Variants in SLIT1 observed in about 807,000 individuals in gnomAD.
SLIT1 encodes slit guidance ligand 1.
A neutral mutation model predicts 186.1 loss-of-function variants in SLIT1; 66 were observed. That is an observed-to-expected ratio of 0.35 (90% CI 0.29 to 0.44). The LOEUF is 0.44. SLIT1 is among the 20% of genes least tolerant of loss of function. The probability of loss-of-function intolerance (pLI) is 1.00; values close to 1 mark genes in which losing one functional copy is unlikely to be tolerated. For missense variants in SLIT1, 1,638 were observed against 2,037.4 expected, an observed-to-expected ratio of 0.80 and a Z score of 3.77; for synonymous variants, 761 against 833.8, an observed-to-expected ratio of 0.91 and a Z score of 1.50.
chr10:97,113,876 T>C (rs1849486443), intron 4 of SLIT1, among the ~76,000 whole-genome samples: 1 of 152,186 alleles, frequency 6.6e-6, no homozygotes, highest in Non-Finnish European at 1.5e-5. Flanking sequence ...GTGAATTTTA[T>C]GGATCTTCCA....
intron 4 of SLIT1, among the ~76,000 whole-genome samples, chr10:97,127,900 T>C (rs1177735342): frequency 6.6e-6 from 1 of 152,310 alleles, no homozygotes; most frequent in Admixed American, 6.5e-5. Flanking sequence ...CCAGTTCATA[T>C]ATGATTAAAG....
At chr10:97,134,981 G>GA (rs372868730) in intron 4 of SLIT1, among the ~76,000 whole-genome samples, 18 of 152,306 alleles carry the variant, frequency 1.2e-4, no homozygotes, top group African/African-American at 4.3e-4. Context: ...CACCAGCTCT[G>GA]AAAAGCAGAG....
intron 2 of SLIT1, among the ~76,000 whole-genome samples, chr10:97,163,829 G>A (rs1480188406): frequency 1.3e-5 from 2 of 152,262 alleles, no homozygotes. Context: ...AGGCTGGCTT[G>A]AGCTGCTGGC....
intron 1 of SLIT1, among the ~76,000 whole-genome samples, chr10:97,178,547 T>C: frequency 6.6e-6 from 1 of 152,174 alleles, no homozygotes; most frequent in East Asian, 1.9e-4. Context: ...ATTGTGGACC[T>C]GGGAAAAAAT....
intron 22 of SLIT1, among the ~76,000 whole-genome samples, chr10:97,035,144 C>T (rs144290318): frequency 2.3e-4 from 35 of 152,132 alleles, no homozygotes; most frequent in African/African-American, 4.1e-4. Context: ...TCAAAACTCC[C>T]GCCACCCGCT....
At position 97,060,767 on chromosome 10, in the gene SLIT1, C is replaced by T. The variant is rs1196363163; in HGVS notation, c.814G>A (p.Val272Met). The part of the protein sequence containing the change: ...SCSGQGEAGR[V>M]PTCTLSSGSC... ...CCGGAGGACAGGGTGCAGGTGGGCA[C>T]GCGCCCCGCTTCTCCCTGGCCTGCA... The change falls in exon 9 of 37, where the codon GTG (valine) becomes ATG (methionine). Residue 272 changes from valine to methionine, a missense_variant. By Grantham distance (21) the Val-to-Met change is conservative. Transcript: ENST00000266058. 9 of 1,608,538 alleles carry T rather than the reference C, an allele frequency of 5.6e-6. No individual in the cohort carries two copies. The East Asian group carries it at 6.7e-5, about 12-fold the overall frequency.
chr10:97,159,087 T>A (rs2134721606), intron 3 of SLIT1, among the ~76,000 whole-genome samples: 1 of 151,908 alleles, frequency 6.6e-6, no homozygotes, highest in African/African-American at 2.4e-5. Context: ...GTCTGAGGGG[T>A]CTTAGAACAA....
intron 1 of SLIT1, among the ~76,000 whole-genome samples, chr10:97,176,421 C>T (rs1252996690): frequency 6.6e-6 from 1 of 152,110 alleles, no homozygotes; most frequent in Non-Finnish European, 1.5e-5. Flanking sequence ...CCCCAAGACC[C>T]CTGGCTCCCT....
chr10:97,135,013 A>G (rs7921177), intron 4 of SLIT1, among the ~76,000 whole-genome samples: 2,141 of 152,304 alleles, frequency 0.014, 41 homozygotes, highest in African/African-American at 0.049. Context: ...TTTTCTCACC[A>G]TGATACCCCC....
At chr10:97,056,626 G>A (rs1036349184) in intron 12 of SLIT1, among the ~76,000 whole-genome samples, 162 bp from the exon 13 acceptor site, 1 of 152,220 alleles carries the variant, frequency 6.6e-6, no homozygotes, top group Non-Finnish European at 1.5e-5. Context: ...CCCACGGAGA[G>A]GGGCCCGGAA....
intron 4 of SLIT1, chr10:97,154,768 G>C (rs1340174128): frequency 6.6e-6 from 1 of 152,274 alleles, no homozygotes; most frequent in Non-Finnish European, 1.5e-5. Context: ...CATACAGAGT[G>C]CTGTCCTCTG....
chr10:97,034,472 G>T lies in SLIT1; in HGVS notation c.2437C>A (p.Leu813Met). 2 of 1,612,542 alleles carry T rather than the reference G, an allele frequency of 1.2e-6. No homozygotes were observed. Among genetic ancestry groups the T allele is most frequent in the South Asian group, 1.1e-5 (1 of 91,042 alleles). ...CACCCCAGCCCTGCTGGGACTCACA[G>T]AGTGGTCAGCTGGCTCATGTTGGTG... ...SFTNMSQLTT[L>M]ILSYNALQCI... Residue 813 changes from leucine (L) to methionine (M), a missense_variant and splice_region_variant, in exon 23 of 37, where the codon CTG (leucine) becomes ATG (methionine). This residue lies in a region of SLIT1 where 1,245 missense variants were observed against 1,535.3 expected (regional missense o/e 0.81). Coordinates refer to ENST00000266058, the MANE Select transcript of SLIT1 (RefSeq NM_003061.3).
intron 4 of SLIT1, among the ~76,000 whole-genome samples, chr10:97,111,986 T>C (rs1377466355): frequency 6.6e-6 from 1 of 152,220 alleles, no homozygotes; most frequent in Non-Finnish European, 1.5e-5. Flanking sequence ...GAATGGCATG[T>C]CCTGGCTGAA....
At chr10:97,048,120 A>T in intron 14 of SLIT1, 124 bp from the exon 15 acceptor site, 2 of 1,033,348 alleles carry the variant, frequency 1.9e-6, no homozygotes, top group South Asian at 2.6e-5. Flanking sequence ...CCATCTGCCC[A>T]GTCCCTGTGT....
chr10:97,118,230 G>A (rs2134684921), intron 4 of SLIT1, among the ~76,000 whole-genome samples: 1 of 152,310 alleles, frequency 6.6e-6, no homozygotes, highest in Non-Finnish European at 1.5e-5. Flanking sequence ...TGGGGAAATT[G>A]AGACTCAAAA....
intron 8 of SLIT1, among the ~76,000 whole-genome samples, chr10:97,062,909 A>G (rs933435032): frequency 3.3e-5 from 5 of 152,240 alleles, no homozygotes; most frequent in African/African-American, 7.2e-5. Flanking sequence ...AGGCTATGAC[A>G]GAACCCCAGG....
At chr10:97,051,877 C>T (rs1286360620) in intron 13 of SLIT1, among the ~76,000 whole-genome samples, 4 of 151,404 alleles carry the variant, frequency 2.6e-5, no homozygotes, top group Non-Finnish European at 5.9e-5. Flanking sequence ...ATATTCATAG[C>T]AACATTGTTC....
chr10:97,019,217 T>G (rs1848482167), intron 26 of SLIT1, 110 bp from the exon 27 acceptor site: 1 of 702,804 alleles, frequency 1.4e-6, no homozygotes, highest in South Asian at 1.8e-5. Flanking sequence ...TTTCCCCTCC[T>G]GATTTTTCCC....
chr10:97,136,609 A>T (rs2134699092), intron 4 of SLIT1, among the ~76,000 whole-genome samples: 1 of 152,298 alleles, frequency 6.6e-6, no homozygotes, highest in South Asian at 2.1e-4. Flanking sequence ...TAAAAAACAA[A>T]CCATCTCTGC....
Sources: allele counts gnomAD v4.1 joint callset (sites outside exome capture counted in the v4.1 genomes callset), GRCh38; gene constraint gnomAD v4.1.1; regional missense constraint gnomAD v4.1.1; transcripts MANE v1.5; gene names NCBI Gene and HGNC (gene_info 2026-07-23, HGNC 2026-07-21).